Variants in CTBP2 observed in about 807,000 individuals in gnomAD.
CTBP2 encodes the protein C-terminal-binding protein 2.
A neutral mutation model predicts 80.3 loss-of-function variants in CTBP2; 30 were observed. The ratio of observed to expected loss-of-function variants is 0.37; its 90% CI spans 0.28 to 0.51. CTBP2 has a LOEUF of 0.51. CTBP2 is among the 20% of genes least tolerant of loss of function. The pLI, the probability that CTBP2 is intolerant of heterozygous loss-of-function variation, is 0.93. For missense variants in CTBP2, 1,212 were observed against 1,375.3 expected (o/e 0.88, Z 1.88); for synonymous variants, 594 against 587.4 (o/e 1.01, Z -0.16).
At chr10:125,053,626 G>T (rs1487134589) in intron 2 of CTBP2, among the ~76,000 whole-genome samples, 5 of 152,204 alleles carry the variant, frequency 3.3e-5, no homozygotes, top group African/African-American at 1.2e-4. Context: ...TTTTTGGAAG[G>T]TCTGAGGTTA....
In CTBP2 at chr10:125,005,602, C is replaced by T. The variant is rs769616519; in HGVS notation, c.1679-2110G>A. 22 of 1,612,682 alleles carry T rather than the reference C, an allele frequency of 1.4e-5. No homozygotes were observed. The East Asian group carries it at 2.2e-4, about 16-fold the overall frequency. Reference sequence around the variant, plus strand: ...GCGTGCAGCACAAAGCTGGATACCCCCTCAGCTCATCCGCGAGATCCGCAA... The same window carrying T: ...GCGTGCAGCACAAAGCTGGATACCCTCTCAGCTCATCCGCGAGATCCGCAA... On this transcript the variant is annotated intron_variant, in intron 1 of 8. Coordinates refer to ENST00000309035, the MANE Select transcript of CTBP2 (RefSeq NM_022802.3).
chr10:125,074,260 G>T (rs568787088), intron 2 of CTBP2, among the ~76,000 whole-genome samples: 48 of 152,168 alleles, frequency 3.2e-4, no homozygotes, highest in Non-Finnish European at 5.7e-4. Flanking sequence ...GGGCAACAAG[G>T]ATCCCCTGCA....
chr10:125,086,110 G>A (rs994323297), intron 2 of CTBP2, among the ~76,000 whole-genome samples: 1 of 152,196 alleles, frequency 6.6e-6, no homozygotes, highest in African/African-American at 2.4e-5. Flanking sequence ...CTTAATGTTT[G>A]TGTCCCCCTG....
chr10:125,026,842 C>A lies in CTBP2; in HGVS notation c.918G>T (p.Thr306=), dbSNP rs771915241. 5 of 1,613,496 alleles carry A rather than the reference C, an allele frequency of 3.1e-6. No individual in the cohort carries two copies. Among genetic ancestry groups the A allele is most frequent in the African/African-American group, 2.7e-5 (2 of 74,932 alleles). ...AGCCCTGCTGCAGTAGGGCTCCCAG[C>A]GTGGCCTCTGCCAGCCCCTCCGCCC... Residue 306 remains threonine (T), a synonymous_variant, in exon 1 of 9, where the codon ACG becomes ACT. Coordinates refer to ENST00000309035, the MANE Select transcript of CTBP2 (RefSeq NM_022802.3).
intron 8 of CTBP2, among the ~76,000 whole-genome samples, chr10:124,992,139 A>G (rs1201525816): frequency 6.6e-6 from 1 of 152,052 alleles, no homozygotes; most frequent in Non-Finnish European, 1.5e-5. Context: ...TTCAAATTGG[A>G]AAATGAACTT....
chr10:124,998,686 C>T (rs1232203411), intron 3 of CTBP2: 2 of 172,378 alleles, frequency 1.2e-5, no homozygotes, highest in East Asian at 1.5e-4. Context: ...AACACCTCCA[C>T]CCCCACACGG....
intron 2 of CTBP2, among the ~76,000 whole-genome samples, chr10:125,040,634 T>C (rs1959441579): frequency 7.9e-6 from 1 of 127,108 alleles, no homozygotes; most frequent in East Asian, 2.0e-4. Flanking sequence ...ACAGAAAAAG[T>C]GGTTCTCAGT....
chr10:125,046,059 T>C (rs964707379), intron 2 of CTBP2, among the ~76,000 whole-genome samples: 3 of 151,734 alleles, frequency 2.0e-5, no homozygotes, highest in Non-Finnish European at 4.4e-5. Context: ...AATTCACAAG[T>C]GCTTGGGTTT....
chr10:125,049,399 C>T (rs1373022219), intron 2 of CTBP2, among the ~76,000 whole-genome samples: 1 of 152,224 alleles, frequency 6.6e-6, no homozygotes, highest in Non-Finnish European at 1.5e-5. Flanking sequence ...GGATAGACCC[C>T]ACACACGTGC....
At chr10:125,152,087 G>T (rs1017567179) in intron 1 of CTBP2, among the ~76,000 whole-genome samples, 2 of 152,138 alleles carry the variant, frequency 1.3e-5, no homozygotes, top group Non-Finnish European at 2.9e-5. Context: ...CCTGCGGGGG[G>T]AAGAGGGCAC....
chr10:125,113,173 G>C (rs1852596958), intron 1 of CTBP2, among the ~76,000 whole-genome samples: 1 of 152,220 alleles, frequency 6.6e-6, no homozygotes, highest in Admixed American at 6.5e-5. Context: ...AGAAGTGTTA[G>C]GAAGGGAGGG....
chr10:125,153,143 G>A (rs1860298875), intron 1 of CTBP2, among the ~76,000 whole-genome samples: 1 of 152,210 alleles, frequency 6.6e-6, no homozygotes, highest in African/African-American at 2.4e-5. Context: ...AAGGCCACAT[G>A]ACCGCACAGA....
chr10:125,072,302 T>C (rs2135464401), intron 2 of CTBP2, among the ~76,000 whole-genome samples: 1 of 151,626 alleles, frequency 6.6e-6, no homozygotes, highest in Non-Finnish European at 1.5e-5. Context: ...GTACAGCTCC[T>C]ATCTGTCCTG....
Position 125,027,102 on chromosome 10 carries a change from C to A in CTBP2, c.658G>T (p.Asp220Tyr), listed in dbSNP as rs1431718312. Residue 220 changes from aspartate (D) to tyrosine (Y), a missense_variant, in exon 1 of 9, where the codon GAC becomes TAC. Asp to Tyr is a radical substitution (Grantham distance 160, BLOSUM62 -3). Transcript: ENST00000309035. ...GCCACCTGTCTGGCAGGGGCAGGGT[C>A]AATGGGTCTTTCGCTGATGTCGCTG... 11 of 1,609,766 alleles carry A rather than the reference C, an allele frequency of 6.8e-6. No homozygotes were observed. The highest frequency in any genetic ancestry group is 9.3e-6 in the Non-Finnish European group (11 of 1,177,370).
rs894136753 is a variant in CTBP2 at position 124,987,207 on chromosome 10, T to A, written c.*2311A>T. 6.6e-6 allele frequency: 1 copy of A among 152,578 alleles called. No homozygotes were observed. The highest frequency in any genetic ancestry group is 1.5e-5 in the Non-Finnish European group (1 of 68,034). The allele number at this position is 152,578 out of a possible 1,614,324, so 9.5% of individuals were successfully genotyped here. A position where few individuals can be genotyped will look rare whatever the true frequency, so the allele number is the denominator to read the frequency against. ...ATTGTCCCAAGATAGAATATAGTCC[T>A]TTTTCAAAGATGATTATACGTGGCT... On this transcript the variant is annotated 3_prime_UTR_variant, in exon 9 of 9. Coordinates refer to ENST00000309035, the MANE Select transcript of CTBP2 (RefSeq NM_022802.3).
intron 1 of CTBP2, among the ~76,000 whole-genome samples, chr10:125,115,503 T>C (rs199860231): frequency 1.3e-5 from 2 of 152,166 alleles, no homozygotes; most frequent in East Asian, 3.8e-4. Context: ...GCCTGTGATT[T>C]GGAGGTAACA....
chr10:125,017,956 C>T (rs79781293), intron 1 of CTBP2, among the ~76,000 whole-genome samples: 5 of 152,294 alleles, frequency 3.3e-5, no homozygotes, highest in African/African-American at 1.2e-4. Flanking sequence ...CTCCAGAGCC[C>T]GTCATGACTC....
chr10:125,080,588 C>T (rs1173889345), intron 2 of CTBP2, among the ~76,000 whole-genome samples: 1 of 152,184 alleles, frequency 6.6e-6, no homozygotes, highest in Non-Finnish European at 1.5e-5. Context: ...AGCTCCAGGC[C>T]CCACTGCCAA....
chr10:125,151,500 CA>C (rs774710078), intron 1 of CTBP2, among the ~76,000 whole-genome samples: 5 of 152,248 alleles, frequency 3.3e-5, no homozygotes, highest in Non-Finnish European at 7.3e-5. Context: ...TGGTCACCCC[CA>C]AACACTGCCC....
Sources: gnomAD v4.1 joint callset for allele counts (sites outside exome capture counted in the v4.1 genomes callset) on GRCh38, gnomAD v4.1.1 for gene constraint, MANE v1.5 for transcripts, NCBI Gene and HGNC (gene_info 2026-07-23, HGNC 2026-07-21) for gene names.